Variants in ACCSL observed in about 807,000 individuals in gnomAD.
ACCSL encodes the protein probable inactive 1-aminocyclopropane-1-carboxylate synthase-like protein 2.
ACCSL carries 55 observed loss-of-function variants against 61.7 expected under a neutral mutation model. The observed-to-expected ratio is 0.89, with a 90% CI of 0.72 to 1.12. The LOEUF (loss-of-function observed/expected upper bound fraction) is 1.12. ACCSL is among the 50% of genes most tolerant of loss of function. The pLI is 0.00. For missense variants in ACCSL, 632 were observed against 698.0 expected (o/e 0.91, Z 1.07); for synonymous variants, 258 against 264.3 (o/e 0.98, Z 0.23).
the ACCSL span, chr11:43,945,091 G>T: frequency 6.6e-6 from 1 of 152,346 alleles, no homozygotes; most frequent in Admixed American, 6.5e-5. Flanking sequence ...TTCTTCCCTC[G>T]GCTCAGAGAG....
the ACCSL span, among the ~76,000 whole-genome samples, chr11:43,967,167 C>CTTTTTTTTTT: frequency 2.4e-3 from 152 of 62,702 alleles, 28 homozygotes; most frequent in African/African-American, 6.0e-3. Flanking sequence ...TCTTCTTCTT[C>CTTTTTTTTTT]TTTTTTTTTT....
chr11:43,929,745 A>G, the ACCSL span, among the ~76,000 whole-genome samples: 1 of 152,126 alleles, frequency 6.6e-6, no homozygotes, highest in Non-Finnish European at 1.5e-5. Flanking sequence ...AGGTCTTGCT[A>G]CATGGCTCAG....
At chr11:43,942,841 G>C in the ACCSL span, 35 of 1,153,238 alleles carry the variant, frequency 3.0e-5, no homozygotes, top group Non-Finnish European at 3.5e-5. Context: ...GGGCCCCGGC[G>C]CAGCGGCCGC....
At chr11:43,992,744 A>G in the ACCSL span, among the ~76,000 whole-genome samples, 1 of 152,254 alleles carries the variant, frequency 6.6e-6, no homozygotes, top group Non-Finnish European at 1.5e-5. Flanking sequence ...GTGTCACTAC[A>G]TTCTAGTGTC....
the ACCSL span, among the ~76,000 whole-genome samples, chr11:43,956,029 C>A: frequency 1.5e-3 from 226 of 151,480 alleles, 1 homozygote; most frequent in African/African-American, 5.3e-3. Flanking sequence ...GATTGGGCAG[C>A]CTCCAGAATC....
the ACCSL span, among the ~76,000 whole-genome samples, chr11:44,018,795 C>T: frequency 6.6e-6 from 1 of 152,114 alleles, no homozygotes; most frequent in African/African-American, 2.4e-5. Context: ...TACTAAGACC[C>T]CATTTCTTAA....
the ACCSL span, among the ~76,000 whole-genome samples, chr11:43,924,626 G>A: frequency 3.3e-5 from 5 of 152,354 alleles, no homozygotes; most frequent in South Asian, 2.1e-4. Context: ...CACAAGAGGC[G>A]GAGCCAGAAG....
At chr11:43,926,371 A>G in the ACCSL span, 3 of 340,646 alleles carry the variant, frequency 8.8e-6, no homozygotes, top group Non-Finnish European at 1.7e-5. Context: ...TAGCCTGGCA[A>G]GGGTCGCCGA....
At position 44,050,603 on chromosome 11, in the gene ACCSL, G is replaced by C. The variant is rs1300284216; in HGVS notation, c.616G>C (p.Asp206His). ...TGAGGACACCTTGCTTCAGTACCCT[G>C]ATTGGAGAGGGCAGCCATTGTAAGT... ...CIEDTLLQYP[D>H]WRGQPFLREE... is the part of the protein sequence containing the mutation. Residue 206 changes from aspartate to histidine, a missense_variant, in exon 3 of 14, where the codon GAT becomes CAT. By Grantham distance (81) the Asp-to-His change is moderately conservative. Coordinates refer to ENST00000378832, the MANE Select transcript of ACCSL (RefSeq NM_001031854.2). 6.2e-6 allele frequency: 10 copies of C among 1,613,996 alleles called. No homozygotes were observed. The highest frequency in any genetic ancestry group is 5.9e-6 in the Non-Finnish European group (7 of 1,180,008).
At chr11:43,970,475 A>T in the ACCSL span, among the ~76,000 whole-genome samples, 4 of 152,304 alleles carry the variant, frequency 2.6e-5, no homozygotes, top group East Asian at 7.7e-4. Flanking sequence ...AAGTGCTGGG[A>T]TTACAGACGT....
intron 13 of ACCSL, among the ~76,000 whole-genome samples, 180 bp from the exon 14 acceptor site, chr11:44,059,658 C>G (rs1188382735): frequency 6.6e-6 from 1 of 152,142 alleles, no homozygotes; most frequent in Non-Finnish European, 1.5e-5. Flanking sequence ...CAATGATATT[C>G]AAAAAGAAAT....
At chr11:44,029,187 T>C in the ACCSL span, among the ~76,000 whole-genome samples, 2 of 152,262 alleles carry the variant, frequency 1.3e-5, no homozygotes, top group Admixed American at 6.5e-5. Context: ...CAAAGGCTTC[T>C]GGCCTCTCTA....
At chr11:43,956,744 C>A in the ACCSL span, among the ~76,000 whole-genome samples, 1 of 152,164 alleles carries the variant, frequency 6.6e-6, no homozygotes, top group East Asian at 1.9e-4. Context: ...GGTGGTTTCA[C>A]AACCAAAATG....
chr11:44,043,753 T>G (rs1252005390), upstream of ACCSL, among the ~76,000 whole-genome samples: 1 of 152,214 alleles, frequency 6.6e-6, no homozygotes, highest in South Asian at 2.1e-4. Context: ...CCAGAAAGCT[T>G]CTTCAGCCTC....
At chr11:43,943,354 C>T in the ACCSL span, 2 of 1,391,160 alleles carry the variant, frequency 1.4e-6, no homozygotes, top group Middle Eastern at 2.3e-4. The surrounding 1 kb of genome is among the most constrained non-coding windows in gnomAD (Gnocchi z 4.8). Context: ...TGCCCGCGCC[C>T]TGCTCCCGGG....
chr11:43,956,789 A>G, the ACCSL span, among the ~76,000 whole-genome samples: 4 of 152,236 alleles, frequency 2.6e-5, no homozygotes, highest in African/African-American at 9.6e-5. Context: ...CAATCAATTG[A>G]GGTTTATTGA....
At position 44,058,769 on chromosome 11, in the gene ACCSL, C is replaced by T. The variant is rs186159875; in HGVS notation, c.1624+70C>T. On this transcript the variant is annotated intron_variant, in intron 13 of 13. Transcript: ENST00000378832. Reference sequence around the variant, plus strand: ...TTTAATATGTCAATCTTCTCCCCCACCCCCCTTAAACATCCTATAGATCTA... The same window carrying T: ...TTTAATATGTCAATCTTCTCCCCCATCCCCCTTAAACATCCTATAGATCTA... 39 of 1,522,352 alleles carry T rather than the reference C, an allele frequency of 2.6e-5. No individual in the cohort carries two copies. The African/African-American group carries it at 4.7e-4, about 18-fold the overall frequency. The allele number at this position is 1,522,352 out of a possible 1,614,324, so 94.3% of individuals were successfully genotyped here.
At position 44,056,347 on chromosome 11, in the gene ACCSL, C is replaced by T; in HGVS notation, c.1327+21C>T. 5 of 1,607,722 alleles carry T rather than the reference C, an allele frequency of 3.1e-6. No individual in the cohort carries two copies. The South Asian group carries it at 3.3e-5, about 11-fold the overall frequency. ...CACAGGTACTGAGCTCTAGCACAGA[C>T]CAGCATGTTGGCTGGACCTCATGGC... is the stretch of plus-strand genomic sequence containing the variant. On this transcript the variant is annotated intron_variant, in intron 11 of 13. Coordinates refer to ENST00000378832, the MANE Select transcript of ACCSL (RefSeq NM_001031854.2).
chr11:44,023,556 C>T, the ACCSL span, among the ~76,000 whole-genome samples: 1 of 150,686 alleles, frequency 6.6e-6, no homozygotes, highest in Non-Finnish European at 1.5e-5. Flanking sequence ...TTTTCTTGGT[C>T]AGTCTAGCTA....
Sources: allele counts gnomAD v4.1 joint callset (sites outside exome capture counted in the v4.1 genomes callset), GRCh38; gene constraint gnomAD v4.1.1; non-coding constraint Gnocchi (gnomAD v3.1); transcripts MANE v1.5; gene names NCBI Gene and HGNC (gene_info 2026-07-23, HGNC 2026-07-21).